RNF166: variants seen among roughly 807,000 people sequenced by gnomAD.
RNF166 encodes E3 ubiquitin-protein ligase RNF166.
In RNF166, 19 loss-of-function variants were observed where a neutral mutation model predicts 29.4. The ratio of observed to expected loss-of-function variants is 0.65; its 90% confidence interval spans 0.45 to 0.95. The LOEUF (loss-of-function observed/expected upper bound fraction) is 0.95. Among genes scored for constraint, RNF166 ranks in the 40% least tolerant of loss-of-function variants. RNF166 has a pLI of 0.00. For synonymous variants in RNF166, 171 were observed against 134.5 expected (o/e 1.27, Z -1.88); for missense variants, 347 against 322.1 (o/e 1.08, Z -0.59).
intron 1 of RNF166, chr16:88,701,634 A>C: frequency 1.9e-6 from 1 of 523,270 alleles, no homozygotes; most frequent in Non-Finnish European, 3.3e-6. Context: ...GTCCCTCCTG[A>C]CAGTAGGCCC....
intron 5 of RNF166, 180 bp downstream of exon 5, chr16:88,698,322 C>T (rs1909837075): frequency 8.4e-6 from 6 of 710,490 alleles, no homozygotes; most frequent in Non-Finnish European, 1.3e-5. Context: ...AACTCAGCTG[C>T]CATCACTCCC....
chr16:88,701,430 AG>A lies in RNF166; in HGVS notation c.156-13del, dbSNP rs758097672. The A allele has an allele frequency of 8.3e-6, 13 of 1,558,716 alleles. 1 individual carries two copies. In the Admixed American group the frequency reaches 9.1e-5, roughly 11 times the overall value. ...ACTCCCCGCAGAACCTGCAGGGCAC[AG>A]GGGCCTGAGTGCCAGCCCGCCCCTC... On this transcript the variant is annotated splice_polypyrimidine_tract_variant and intron_variant, in intron 1 of 5. Coordinates refer to ENST00000312838, the MANE Select transcript of RNF166 (RefSeq NM_178841.4).
At chr16:88,698,122 CGCG>C (rs980275742) in intron 5 of RNF166, 1 of 587,924 alleles carries the variant, frequency 1.7e-6, no homozygotes, top group Admixed American at 3.1e-5. Context: ...GTGCCTGACC[CGCG>C]GCGGGTGGGA....
intron 1 of RNF166, among the ~76,000 whole-genome samples, chr16:88,705,395 C>G (rs554398204): frequency 6.6e-6 from 1 of 152,236 alleles, no homozygotes; most frequent in African/African-American, 2.4e-5. Flanking sequence ...TGCTCAAGAG[C>G]TGTATTATTC....
chr16:88,696,509 G>C lies in RNF166; in HGVS notation c.*1059C>G, dbSNP rs1043035223. ...GTCGAGGCTGCTAGAGATGCTCTGA[G>C]ACATTTTATTTAAACTTTTTTTTTT... is the stretch of plus-strand genomic sequence containing the variant. On this transcript the variant is annotated 3_prime_UTR_variant, in exon 6 of 6. Transcript: ENST00000312838. The C allele has an allele frequency of 2.1e-5, 9 of 431,290 alleles. No individual in the cohort carries two copies. Among genetic ancestry groups the C allele is most frequent in the African/African-American group, 1.9e-4 (9 of 46,810 alleles). 26.7% of individuals were successfully genotyped at this position (431,290 alleles called of 1,614,324 possible).
chr16:88,703,516 G>A lies in RNF166; in HGVS notation c.156-2098C>T, dbSNP rs750311443. 87 of 985,454 alleles carry A rather than the reference G, an allele frequency of 8.8e-5. 1 individual carries two copies. Among genetic ancestry groups the A allele is most frequent in the South Asian group, 3.3e-4 (7 of 21,282 alleles). The allele number at this position is 985,454 out of a possible 1,614,324, so 61.0% of individuals were successfully genotyped here. On this transcript the variant is annotated intron_variant, in intron 1 of 5. Transcript: ENST00000312838. ...CCCGACTGGCAGGGCGGCTGGGCCC[G>A]AGGAGCAGGAGGCAGAACGAGGCAC...
In RNF166 at chr16:88,706,250, C is replaced by T. The variant is rs1022286498; in HGVS notation, c.76G>A (p.Gly26Ser). The change falls in exon 1 of 6, where the codon GGC becomes AGC. Residue 26 changes from glycine to serine, a missense_variant. Gly to Ser is a moderately conservative substitution (Grantham distance 56). Coordinates refer to ENST00000312838, the MANE Select transcript of RNF166 (RefSeq NM_178841.4). ...PPAGPAGGDS[G>S]LEAQYTCPIC... ...GGGCAGGTGTACTGCGCCTCCAGGC[C>T]GCTGTCGCCGCCCGCCGGCCCGGCC... The T allele has an allele frequency of 2.3e-6, 3 of 1,305,466 alleles. No homozygotes were observed. The highest frequency in any genetic ancestry group is 3.5e-5 in the East Asian group (1 of 28,712). The allele number at this position is 1,305,466 out of a possible 1,614,324, so 80.9% of individuals were successfully genotyped here.
In RNF166 at chr16:88,706,362, C is replaced by A. The variant is rs1330132689; in HGVS notation, c.-37G>T. On this transcript the variant is annotated 5_prime_UTR_variant, in exon 1 of 6. Transcript: ENST00000312838. ...GCCCGCGCCGCCCGCCGCCCGCTGT[C>A]CTGGCCCGGGCCGGCCCGCTAGTCA... 33 of 1,221,782 alleles carry A rather than the reference C, an allele frequency of 2.7e-5. No homozygotes were observed. Among genetic ancestry groups the A allele is most frequent in the Non-Finnish European group, 3.2e-5 (31 of 981,060 alleles). 75.7% of individuals were successfully genotyped at this position (1,221,782 alleles called of 1,614,324 possible).
rs917527208 is a variant in RNF166, at chr16:88,698,576, C to T, written c.574G>A (p.Asp192Asn). 1.7e-5 allele frequency: 27 copies of T among 1,556,132 alleles called. No individual in the cohort carries two copies. The highest frequency in any genetic ancestry group is 2.2e-5 in the Non-Finnish European group (25 of 1,149,418). Residue 192 changes from aspartate to asparagine, a missense_variant, in exon 5 of 6, where the codon GAC becomes AAC. Asp to Asn is a conservative substitution (Grantham distance 23). Coordinates refer to ENST00000312838, the MANE Select transcript of RNF166 (RefSeq NM_178841.4). ...CPICSAMPWG[D>N]PSYKSANFLQ... The stretch of plus-strand genomic sequence containing the variant: ...AAGTTGGCGCTCTTGTAGCTGGGGT[C>T]CCCCCAGGGCATTGCCGAGCAGATG...
intron 2 of RNF166, among the ~76,000 whole-genome samples, chr16:88,700,300 C>G (rs1910084536): frequency 6.6e-6 from 1 of 152,198 alleles, no homozygotes; most frequent in Non-Finnish European, 1.5e-5. Context: ...TGCCGGGAGA[C>G]ACAGCCGCAT....
chr16:88,697,783 G>A (rs909725144), intron 5 of RNF166, 150 bp from the exon 6 acceptor site: 21 of 636,466 alleles, frequency 3.3e-5, no homozygotes, highest in African/African-American at 1.3e-4. Context: ...CCACAGGCTC[G>A]GGGCCTGCAC....
At chr16:88,705,035 C>T (rs1008028897) in intron 1 of RNF166, among the ~76,000 whole-genome samples, 7 of 152,200 alleles carry the variant, frequency 4.6e-5, no homozygotes, top group African/African-American at 1.4e-4. Flanking sequence ...CAAAATGTCA[C>T]GGCTAAGTGA....
At chr16:88,706,113 A>ACCCCTCCCGCGGCGGGGCACGGC (rs1170741181) in intron 1 of RNF166, 58 bp downstream of exon 1, 6 of 1,074,808 alleles carry the variant, frequency 5.6e-6, no homozygotes, top group Non-Finnish European at 6.7e-6. Flanking sequence ...CGGCCTCGCG[A>ACCCCTCCCGCGGCGGGGCACGGC]CCCCTCCCGC....
At position 88,698,623 on chromosome 16, in the gene RNF166, T is replaced by G. The variant is rs773957072; in HGVS notation, c.541-14A>C. On this transcript the variant is annotated splice_polypyrimidine_tract_variant and intron_variant, in intron 4 of 5. Coordinates refer to ENST00000312838, the MANE Select transcript of RNF166 (RefSeq NM_178841.4). ...GATGGGGCACACCTGGAACAGGCAC[T>G]GGGGTCAAGCCGAGCCGGACCGCGG... 63 of 1,500,210 alleles carry G rather than the reference T, an allele frequency of 4.2e-5. No individual in the cohort carries two copies. The highest frequency in any genetic ancestry group is 5.5e-5 in the Non-Finnish European group (61 of 1,117,332). The allele number at this position is 1,500,210 out of a possible 1,614,324, so 92.9% of individuals were successfully genotyped here. A position where few individuals can be genotyped will look rare whatever the true frequency, so the allele number is the denominator to read the frequency against.
chr16:88,703,338 C>T (rs1910457079), intron 1 of RNF166: 3 of 985,314 alleles, frequency 3.0e-6, no homozygotes, highest in Admixed American at 6.1e-5. Flanking sequence ...CAGGCCGGGG[C>T]TCGGCTGCAC....
Position 88,702,628 on chromosome 16 carries a change from A to G in RNF166, c.156-1210T>C, listed in dbSNP as rs370883144. 3.7e-4 allele frequency: 335 copies of G among 908,270 alleles called. No homozygotes were observed. In the African/African-American group the frequency reaches 5.2e-3, roughly 14 times the overall value. The allele number at this position is 908,270 out of a possible 1,614,324, so 56.3% of individuals were successfully genotyped here. A position where few individuals can be genotyped will look rare whatever the true frequency, so the allele number is the denominator to read the frequency against. ...TGCTGTCCCCCAGGCCCTCTTTGCC[A>G]CCACTGGATTCCCACAGAGCCACCA... On this transcript the variant is annotated intron_variant, in intron 1 of 5. Transcript: ENST00000312838.
chr16:88,698,879 C>T (rs1909912665), intron 4 of RNF166, 92 bp downstream of exon 4: 1 of 1,052,312 alleles, frequency 9.5e-7, no homozygotes, highest in African/African-American at 1.6e-5. Context: ...CCTGGGCACC[C>T]CCGGACTCGC....
intron 3 of RNF166, among the ~76,000 whole-genome samples, chr16:88,699,310 T>C (rs926445682): frequency 6.6e-6 from 1 of 152,244 alleles, no homozygotes; most frequent in African/African-American, 2.4e-5. Flanking sequence ...GCAGAGACTC[T>C]GCTGGCGCTG....
At position 88,699,054 on chromosome 16, in the gene RNF166, G is replaced by C. The variant is rs1380345386; in HGVS notation, c.457C>G (p.Pro153Ala). Residue 153 changes from proline to alanine, a missense_variant, in exon 4 of 6, where the codon CCG becomes GCG. Pro to Ala is a conservative substitution (Grantham distance 27). Coordinates refer to ENST00000312838, the MANE Select transcript of RNF166 (RefSeq NM_178841.4). ...NIPNRSTFAC[P>A]YCGARNLDQQ... The stretch of plus-strand genomic sequence containing the variant: ...TCCAGGTTGCGGGCACCACAGTACG[G>C]GCAGGCGAAGGTGGACCTGTTGGGG... The C allele has an allele frequency of 6.8e-6, 11 of 1,610,522 alleles. No homozygotes were observed. The highest frequency in any genetic ancestry group is 8.5e-6 in the Non-Finnish European group (10 of 1,178,860).
Sources: gnomAD v4.1 joint callset for allele counts (sites outside exome capture counted in the v4.1 genomes callset) on GRCh38, gnomAD v4.1.1 for gene constraint, MANE v1.5 for transcripts, NCBI Gene and HGNC (gene_info 2026-07-23, HGNC 2026-07-21) for gene names.